Variants in PATJ observed in about 807,000 individuals in gnomAD.
PATJ encodes the protein PATJ crumbs cell polarity complex component.
PATJ carries 190 observed loss-of-function variants against 224.9 expected under a neutral mutation model. That is an observed-to-expected ratio of 0.84 (90% CI 0.75 to 0.95). The LOEUF is 0.95. Ranked by LOEUF, PATJ falls within the 40% of genes least tolerant of loss-of-function variation. The pLI, the probability that PATJ is intolerant of heterozygous loss-of-function variation, is 0.00. For synonymous variants in PATJ, 769 were observed against 820.3 expected, an observed-to-expected ratio of 0.94 and a Z score of 1.07; for missense variants, 2,121 against 2,270.3, an observed-to-expected ratio of 0.93 and a Z score of 1.34.
intron 27 of PATJ, among the ~76,000 whole-genome samples, chr1:61,944,805 A>G (rs1316124385): frequency 6.6e-6 from 1 of 152,192 alleles, no homozygotes; most frequent in Non-Finnish European, 1.5e-5. Context: ...TGAAGGAAAA[A>G]ATGTTAAGGG....
chr1:62,001,640 C>T (rs181960220), intron 28 of PATJ, among the ~76,000 whole-genome samples: 2,089 of 151,854 alleles, frequency 0.014, 45 homozygotes, highest in African/African-American at 0.047. Flanking sequence ...TTTGTTCTTT[C>T]GGCTTAGGAT....
intron 14 of PATJ, among the ~76,000 whole-genome samples, chr1:61,821,340 G>A (rs571040010): frequency 1.3e-5 from 2 of 152,266 alleles, no homozygotes; most frequent in Admixed American, 1.3e-4. Context: ...TATCATGCCC[G>A]GCCGGAAAAA....
chr1:61,828,781 G>A (rs1366982229), intron 16 of PATJ, among the ~76,000 whole-genome samples: 1 of 152,062 alleles, frequency 6.6e-6, no homozygotes, highest in East Asian at 1.9e-4. Flanking sequence ...TCTCTTTTAG[G>A]TTGTAATTCC....
intron 17 of PATJ, among the ~76,000 whole-genome samples, chr1:61,839,156 T>C (rs1458944083): frequency 6.6e-6 from 1 of 152,124 alleles, no homozygotes; most frequent in Non-Finnish European, 1.5e-5. Flanking sequence ...TCTATGCCTT[T>C]AACCATCATA....
chr1:62,122,165 G>A (rs1467084218), intron 38 of PATJ, among the ~76,000 whole-genome samples: 2 of 151,874 alleles, frequency 1.3e-5, no homozygotes, highest in Non-Finnish European at 2.9e-5. Context: ...AGGAGTTTGA[G>A]AGCAGCCTGG....
chr1:62,130,459 G>T (rs896685539), intron 41 of PATJ, among the ~76,000 whole-genome samples: 3 of 151,918 alleles, frequency 2.0e-5, no homozygotes, highest in African/African-American at 4.8e-5. Context: ...GAGCCCAGGA[G>T]TTTTGAGACC....
At chr1:61,905,947 G>A (rs1671799135) in intron 24 of PATJ, among the ~76,000 whole-genome samples, 2 of 152,254 alleles carry the variant, frequency 1.3e-5, no homozygotes, top group South Asian at 4.1e-4. Flanking sequence ...CCAATACTAT[G>A]TACTTGGATC....
intron 21 of PATJ, among the ~76,000 whole-genome samples, chr1:61,877,150 G>A (rs995532759): frequency 9.2e-5 from 14 of 152,096 alleles, no homozygotes; most frequent in African/African-American, 3.1e-4. Flanking sequence ...TCAGGAGGGT[G>A]AGGACTGTAT....
At chr1:62,123,126 C>A in intron 39 of PATJ, 68 bp downstream of exon 39, 1 of 1,096,122 alleles carries the variant, frequency 9.1e-7, no homozygotes, top group Non-Finnish European at 1.4e-6. Flanking sequence ...TGTACATTTT[C>A]CCCAATACAG....
Position 62,086,830 on chromosome 1 carries a change from G to A in PATJ, c.4377+2182G>A, listed in dbSNP as rs966360724. Among the ~76,000 whole-genome samples, 1 of 152,276 alleles carries A rather than the reference G, an allele frequency of 6.6e-6. No individual in the cohort carries two copies. The highest frequency in any genetic ancestry group is 1.9e-4 in the East Asian group (1 of 5,170). On this transcript the variant is annotated intron_variant, in intron 33 of 43. Transcript: ENST00000642238. The surrounding 1 kb of genome is among the most constrained non-coding windows in gnomAD (Gnocchi z 4.0). ...TGTAGGATGGAGTTCATGAGAGAGC[G>A]AGTGCAGGACCCAGCTGGCTGCTTT...
chr1:62,148,281 C>T lies in PATJ; in HGVS notation c.5272-3C>T. 6.2e-7 allele frequency: 1 copy of T among 1,606,924 alleles called. No individual in the cohort carries two copies. Among genetic ancestry groups the T allele is most frequent in the South Asian group, 1.1e-5 (1 of 90,866 alleles). ...AAATACCTTTTTTTCACTTTTTCCC[C>T]AGGTTGTAGCAGATACCAATATAAG... On this transcript the variant is annotated splice_polypyrimidine_tract_variant and splice_region_variant and intron_variant, in intron 41 of 43. Coordinates refer to ENST00000642238, the MANE Select transcript of PATJ (RefSeq NM_001350145.3).
At chr1:61,988,114 G>A (rs529279124) in intron 27 of PATJ, among the ~76,000 whole-genome samples, 4 of 152,152 alleles carry the variant, frequency 2.6e-5, no homozygotes, top group Admixed American at 6.5e-5. Flanking sequence ...CACAAGAATC[G>A]CTTGAACCTG....
intron 42 of PATJ, among the ~76,000 whole-genome samples, chr1:62,152,067 G>T (rs1668687769): frequency 6.6e-6 from 1 of 151,726 alleles, no homozygotes; most frequent in Non-Finnish European, 1.5e-5. Flanking sequence ...CTGGATTTCA[G>T]TTCTCATCTA....
At position 61,951,534 on chromosome 1, in the gene PATJ, G is replaced by C. The variant is rs2149386194; in HGVS notation, c.3670+23705G>C. ...GTAATTGGTTAAATAATGGTATTCAGGTGTGTGGGGGGTAGGGTAGGGTAG... is the reference window on the plus strand; with the variant it reads ...GTAATTGGTTAAATAATGGTATTCACGTGTGTGGGGGGTAGGGTAGGGTAG... On this transcript the variant is annotated intron_variant, in intron 27 of 43. Transcript: ENST00000642238. Among the ~76,000 whole-genome samples the C allele has an allele frequency of 1.3e-5, 2 of 152,070 alleles. 1 individual carries two copies. Among genetic ancestry groups the C allele is most frequent in the South Asian group, 4.1e-4 (2 of 4,824 alleles).
At chr1:62,025,307 T>C (rs1930241) in intron 29 of PATJ, among the ~76,000 whole-genome samples, 59 of 152,304 alleles carry the variant, frequency 3.9e-4, no homozygotes, top group Middle Eastern at 3.4e-3. Context: ...CTCATTACCA[T>C]TGCCAAACCG....
At chr1:62,136,015 ATTTTTTTTTTTTTT>A (rs374594803) in intron 41 of PATJ, among the ~76,000 whole-genome samples, 3 of 63,880 alleles carry the variant, frequency 4.7e-5, no homozygotes, top group African/African-American at 6.4e-5. Flanking sequence ...AGACCATTAG[ATTTTTTTTTTTTTT>A]TTTTTTTTTT....
chr1:62,074,910 G>A (rs1226016669), intron 31 of PATJ, among the ~76,000 whole-genome samples: 3 of 152,180 alleles, frequency 2.0e-5, no homozygotes, highest in African/African-American at 7.2e-5. Context: ...GTTGCAGTGA[G>A]CTGAGATCAC....
chr1:62,016,697 T>C (rs1024886384), intron 28 of PATJ, among the ~76,000 whole-genome samples: 1 of 152,236 alleles, frequency 6.6e-6, no homozygotes, highest in African/African-American at 2.4e-5. Flanking sequence ...TTTAAAATTC[T>C]ACCATGTCTT....
At chr1:61,905,327 G>A (rs1368961634) in intron 24 of PATJ, among the ~76,000 whole-genome samples, 3 of 152,156 alleles carry the variant, frequency 2.0e-5, no homozygotes, top group East Asian at 3.9e-4. Context: ...CTATTCTTGA[G>A]GGCAGAGCCC....
Sources: gnomAD v4.1 joint callset for allele counts (sites outside exome capture counted in the v4.1 genomes callset) on GRCh38, gnomAD v4.1.1 for gene constraint, Gnocchi (gnomAD v3.1) non-coding constraint, MANE v1.5 for transcripts, NCBI Gene and HGNC (gene_info 2026-07-23, HGNC 2026-07-21) for gene names.